The following RIC8B variants were observed in gnomAD, a reference collection of about 807,000 sequenced individuals.
RIC8B encodes the protein chaperone Ric-8B.
Under a neutral mutation model 57.5 loss-of-function variants are expected in RIC8B, and 16 were observed. That is an observed-to-expected ratio of 0.28 (90% CI 0.19 to 0.42). The LOEUF (loss-of-function observed/expected upper bound fraction) is 0.42. Ranked by LOEUF, RIC8B falls within the 10% of genes least tolerant of loss-of-function variation. The probability of loss-of-function intolerance (pLI) is 1.00; values close to 1 mark genes in which losing one functional copy is unlikely to be tolerated. For synonymous variants in RIC8B, 216 were observed against 250.8 expected, an observed-to-expected ratio of 0.86 and a Z score of 1.31; for missense variants, 481 against 677.0, an observed-to-expected ratio of 0.71 and a Z score of 3.21.
chr12:106,819,795 T>C (rs1049605615), intron 3 of RIC8B, among the ~76,000 whole-genome samples: 9 of 147,926 alleles, frequency 6.1e-5, no homozygotes, highest in African/African-American at 2.2e-4. Context: ...TATAAGTATA[T>C]ATAAAATATA....
intron 1 of RIC8B, among the ~76,000 whole-genome samples, chr12:106,783,372 G>A (rs2043852757): frequency 6.6e-6 from 1 of 152,132 alleles, no homozygotes; most frequent in Admixed American, 6.5e-5. Flanking sequence ...AGTAGGTGGT[G>A]GAGCCACCAT....
chr12:106,807,189 G>A (rs975977171), intron 2 of RIC8B, among the ~76,000 whole-genome samples: 1 of 152,144 alleles, frequency 6.6e-6, no homozygotes, highest in Non-Finnish European at 1.5e-5. Flanking sequence ...GATTCTGTAT[G>A]GTACAGATTC....
At chr12:106,881,055 A>G (rs1950903217) in intron 9 of RIC8B, among the ~76,000 whole-genome samples, 1 of 152,214 alleles carries the variant, frequency 6.6e-6, no homozygotes, top group Admixed American at 6.5e-5. Context: ...ATTCACAAAC[A>G]CTTATTGAGG....
intron 2 of RIC8B, among the ~76,000 whole-genome samples, chr12:106,787,592 G>A (rs978037039): frequency 2.0e-5 from 3 of 152,076 alleles, no homozygotes; most frequent in Non-Finnish European, 4.4e-5. Context: ...TGGCTGGGGA[G>A]GCCTCAGAAT....
Position 106,858,300 on chromosome 12 carries a change from T to C in RIC8B, c.1307-1968T>C, listed in dbSNP as rs969958463. On this transcript the variant is annotated intron_variant, in intron 7 of 9. Coordinates refer to ENST00000392837, the MANE Select transcript of RIC8B (RefSeq NM_001330145.2). ...ATGAGTATTTCTTTTCTGGATCCAC[T>C]AAACCTCCTTGTTTGTTAAAAATAA... Among the ~76,000 whole-genome samples the C allele has an allele frequency of 2.6e-5, 4 of 152,154 alleles. No homozygotes were observed. In the East Asian group the frequency reaches 7.7e-4, roughly 29 times the overall value.
intron 4 of RIC8B, among the ~76,000 whole-genome samples, chr12:106,828,684 G>A (rs2046221106): frequency 6.6e-6 from 1 of 152,178 alleles, no homozygotes; most frequent in Non-Finnish European, 1.5e-5. Flanking sequence ...AATGGCACTT[G>A]CTGCCGCTGC....
intron 8 of RIC8B, among the ~76,000 whole-genome samples, chr12:106,865,397 C>T (rs1950099430): frequency 6.6e-6 from 1 of 152,138 alleles, no homozygotes; most frequent in Admixed American, 6.6e-5. Context: ...TAAGTTTGCC[C>T]TTCAGATAGC....
At chr12:106,786,841 C>T (rs1333163990) in intron 2 of RIC8B, among the ~76,000 whole-genome samples, 1 of 151,756 alleles carries the variant, frequency 6.6e-6, no homozygotes, top group South Asian at 2.1e-4. Context: ...TTGACAAACT[C>T]ATGATAAGTA....
At chr12:106,805,026 A>G (rs2044942893) in intron 2 of RIC8B, among the ~76,000 whole-genome samples, 1 of 152,222 alleles carries the variant, frequency 6.6e-6, no homozygotes, top group Non-Finnish European at 1.5e-5. Flanking sequence ...TAGATCAAGG[A>G]TATTGTGACA....
chr12:106,785,074 T>C (rs927858833), intron 2 of RIC8B, among the ~76,000 whole-genome samples: 2 of 152,336 alleles, frequency 1.3e-5, no homozygotes, highest in South Asian at 2.1e-4. Flanking sequence ...CATCTATCCC[T>C]TCATTGACTT....
intron 4 of RIC8B, among the ~76,000 whole-genome samples, chr12:106,829,064 A>G (rs2046239984): frequency 6.6e-6 from 1 of 152,238 alleles, no homozygotes; most frequent in Non-Finnish European, 1.5e-5. Context: ...AGATGAAATG[A>G]GTTAGCTCGT....
chr12:106,878,062 A>G (rs1950746052), intron 9 of RIC8B, among the ~76,000 whole-genome samples: 1 of 152,100 alleles, frequency 6.6e-6, no homozygotes, highest in African/African-American at 2.4e-5. Flanking sequence ...CCCAATCCCA[A>G]AGCACAATGA....
intron 2 of RIC8B, among the ~76,000 whole-genome samples, chr12:106,788,882 T>C (rs777831150): frequency 1.4e-4 from 21 of 152,260 alleles, no homozygotes; most frequent in Non-Finnish European, 2.8e-4. Context: ...ATTTGGCTCC[T>C]CATTAGTTTC....
chr12:106,790,261 G>T (rs116803803), intron 2 of RIC8B, among the ~76,000 whole-genome samples: 5 of 152,210 alleles, frequency 3.3e-5, no homozygotes, highest in African/African-American at 1.2e-4. Flanking sequence ...ATTTCAGAAG[G>T]CTTGAAATTA....
At chr12:106,775,961 T>C (rs951102719) in intron 1 of RIC8B, among the ~76,000 whole-genome samples, 5 of 152,246 alleles carry the variant, frequency 3.3e-5, no homozygotes, top group East Asian at 3.8e-4. Flanking sequence ...TGGTGTCTTA[T>C]TTTTGAATCT....
chr12:106,836,480 GCTT>G (rs2046604728), intron 4 of RIC8B, among the ~76,000 whole-genome samples: 1 of 152,080 alleles, frequency 6.6e-6, no homozygotes, highest in Admixed American at 6.6e-5. Context: ...CCCCTAAAAA[GCTT>G]CTTCTCTTGC....
intron 2 of RIC8B, among the ~76,000 whole-genome samples, chr12:106,813,470 G>A (rs2045431985): frequency 1.3e-5 from 2 of 152,082 alleles, no homozygotes; most frequent in African/African-American, 4.8e-5. Context: ...GATTACAGGC[G>A]TGAGCCACTG....
At chr12:106,843,792 G>A in intron 5 of RIC8B, 60 bp from the exon 6 acceptor site, 5 of 1,110,056 alleles carry the variant, frequency 4.5e-6, no homozygotes, top group South Asian at 1.4e-5. Context: ...ATGAAGGAAA[G>A]TAATACTGTT....
intron 9 of RIC8B, among the ~76,000 whole-genome samples, chr12:106,880,106 TGGCCTGTTTATTGAG>T (rs140111522): frequency 0.044 from 6,653 of 152,286 alleles, 166 homozygotes; most frequent in South Asian, 0.067. Context: ...CTTTATGAAA[TGGCCTGTTTATTGAG>T]GGCCATGATT....
Sources: allele counts gnomAD v4.1 joint callset (sites outside exome capture counted in the v4.1 genomes callset), GRCh38; gene constraint gnomAD v4.1.1; transcripts MANE v1.5; gene names NCBI Gene and HGNC (gene_info 2026-07-23, HGNC 2026-07-21).